The following MAP2 variants were observed in gnomAD, a reference collection of about 807,000 sequenced individuals.
MAP2 encodes the protein microtubule associated protein 2, also known as microtubule-associated protein 2.
Under a neutral mutation model 137.6 loss-of-function variants are expected in MAP2, and 14 were observed. The observed-to-expected ratio is 0.10, with a 90% CI of 0.07 to 0.16. MAP2 has a LOEUF of 0.16. Among genes scored for constraint, MAP2 ranks in the 10% least tolerant of loss-of-function variants. MAP2 has a pLI of 1.00. For missense variants in MAP2, 2,088 were observed against 2,191.5 expected, an observed-to-expected ratio of 0.95 and a Z score of 0.94; for synonymous variants, 786 against 782.3, an observed-to-expected ratio of 1.00 and a Z score of -0.08.
At chr2:209,682,602 T>A (rs2055134197) in intron 7 of MAP2, among the ~76,000 whole-genome samples, 2 of 152,116 alleles carry the variant, frequency 1.3e-5, no homozygotes, top group African/African-American at 2.4e-5. Context: ...TAGGGAGCTT[T>A]AAAATATTAC....
At chr2:209,481,165 G>C (rs1411093326) in intron 1 of MAP2, among the ~76,000 whole-genome samples, 1 of 152,180 alleles carries the variant, frequency 6.6e-6, no homozygotes, top group African/African-American at 2.4e-5. Context: ...AATGTTTCCT[G>C]GGATAAATGT....
intron 2 of MAP2, among the ~76,000 whole-genome samples, chr2:209,510,498 A>G (rs1329541589): frequency 6.6e-6 from 1 of 152,082 alleles, no homozygotes. Context: ...AGAAATAAAT[A>G]TATTTGAGGT....
chr2:209,562,664 C>T (rs114085068), intron 2 of MAP2, among the ~76,000 whole-genome samples: 2,990 of 151,860 alleles, frequency 0.02, 92 homozygotes, highest in African/African-American at 0.068. Context: ...GCCACCACAC[C>T]CCAGCCTGGA....
At chr2:209,689,572 T>G (rs1246389009) in intron 7 of MAP2, among the ~76,000 whole-genome samples, 1 of 152,170 alleles carries the variant, frequency 6.6e-6, no homozygotes, top group East Asian at 1.9e-4. Context: ...GTGCAATAAC[T>G]CATGAACTTG....
chr2:209,510,639 A>T (rs532408988), intron 2 of MAP2, among the ~76,000 whole-genome samples: 2 of 152,228 alleles, frequency 1.3e-5, no homozygotes, highest in East Asian at 3.9e-4. Flanking sequence ...TCTCAGTTTG[A>T]TAAGCAAATG....
intron 13 of MAP2, 79 bp from the exon 14 acceptor site, chr2:209,725,630 G>A (rs1372661281): frequency 4.9e-6 from 4 of 820,828 alleles, no homozygotes; most frequent in African/African-American, 1.8e-5. Flanking sequence ...CTTTGGGTGT[G>A]TTTCTAGATC....
chr2:209,585,570 A>G (rs761453673), intron 3 of MAP2, among the ~76,000 whole-genome samples: 1 of 152,126 alleles, frequency 6.6e-6, no homozygotes, highest in Non-Finnish European at 1.5e-5. Context: ...AATCATAAGG[A>G]TATAATTTTG....
intron 3 of MAP2, among the ~76,000 whole-genome samples, chr2:209,608,699 A>T (rs1219483910): frequency 2.0e-5 from 3 of 152,132 alleles, no homozygotes; most frequent in Non-Finnish European, 4.4e-5. Context: ...ATCTTAGCCT[A>T]AAACCTCCAA....
chr2:209,589,224 G>A (rs551695462), intron 3 of MAP2, among the ~76,000 whole-genome samples: 6 of 152,210 alleles, frequency 3.9e-5, no homozygotes, highest in South Asian at 2.1e-4. Context: ...TTTCTAAGAC[G>A]TGGTGTTCCA....
At chr2:209,583,183 A>ATCTATCTG (rs925310163) in intron 3 of MAP2, among the ~76,000 whole-genome samples, 23 of 151,408 alleles carry the variant, frequency 1.5e-4, no homozygotes, top group East Asian at 3.9e-4. Context: ...CTATCTATCT[A>ATCTATCTG]TCTGTCTATC....
chr2:209,624,064 A>G (rs1308079524), intron 3 of MAP2, among the ~76,000 whole-genome samples: 1 of 152,182 alleles, frequency 6.6e-6, no homozygotes, highest in Non-Finnish European at 1.5e-5. Flanking sequence ...TCATATCCAT[A>G]TACACATTGG....
intron 4 of MAP2, among the ~76,000 whole-genome samples, chr2:209,636,571 A>G (rs1041198905): frequency 1.3e-5 from 2 of 150,486 alleles, no homozygotes; most frequent in African/African-American, 4.9e-5. Context: ...TATTATATAT[A>G]TATATATACA....
chr2:209,434,833 C>CTCTCTCTATATGT lies in MAP2; in HGVS notation c.-222+10558_-222+10559insCTCTCTATATGTT, dbSNP rs397966694. Among the ~76,000 whole-genome samples, 110 of 93,188 alleles carry CTCTCTCTATATGT rather than the reference C, an allele frequency of 1.2e-3. 5 individuals carry two copies. The highest frequency in any genetic ancestry group is 4.2e-3 in the African/African-American group (107 of 25,242). The allele number at this position is 93,188 out of a possible 152,430, so 61.1% of individuals were successfully genotyped here. ...CCAGATCCTCTCTCTCTCTCTCTCT[C>CTCTCTCTATATGT]TATATATATATATATGTTATATATA... On this transcript the variant is annotated intron_variant, in intron 1 of 15. Coordinates refer to ENST00000682079, the MANE Select transcript of MAP2 (RefSeq NM_001375505.1).
Position 209,730,492 on chromosome 2 carries a change from C to A in MAP2, c.*95C>A. 1 of 826,410 alleles carries A rather than the reference C, an allele frequency of 1.2e-6. No individual in the cohort carries two copies. The highest frequency in any genetic ancestry group is 1.7e-5 in the South Asian group (1 of 57,952). 51.2% of individuals were successfully genotyped at this position (826,410 alleles called of 1,614,324 possible). A position where few individuals can be genotyped will look rare whatever the true frequency, so the allele number is the denominator to read the frequency against. ...GTTGTTATATTCATTCTTTATAAAC[C>A]ATAAAATAAATAATCTCATCCCCAA... is the stretch of plus-strand genomic sequence containing the variant. On this transcript the variant is annotated 3_prime_UTR_variant, in exon 16 of 16. Coordinates refer to ENST00000682079, the MANE Select transcript of MAP2 (RefSeq NM_001375505.1).
At chr2:209,446,539 AT>A (rs1408852504) in intron 1 of MAP2, among the ~76,000 whole-genome samples, 1 of 151,814 alleles carries the variant, frequency 6.6e-6, no homozygotes, top group African/African-American at 2.4e-5. Flanking sequence ...AATGTAGAAA[AT>A]TTTTTATTTA....
chr2:209,679,120 C>A (rs556134296), intron 6 of MAP2, among the ~76,000 whole-genome samples: 8 of 152,124 alleles, frequency 5.3e-5, no homozygotes, highest in African/African-American at 1.7e-4. Flanking sequence ...CTACACAAAA[C>A]CTATAGCCAG....
intron 2 of MAP2, among the ~76,000 whole-genome samples, chr2:209,535,479 CT>C (rs1222790645): frequency 6.6e-6 from 1 of 151,896 alleles, no homozygotes. Flanking sequence ...TCCTTAGCAT[CT>C]TTTCGTCTCT....
At chr2:209,525,073 G>A (rs572604013) in intron 2 of MAP2, among the ~76,000 whole-genome samples, 33 of 152,004 alleles carry the variant, frequency 2.2e-4, no homozygotes, top group Non-Finnish European at 3.7e-4. Flanking sequence ...TTTAATATAC[G>A]TTCTAGCTTT....
intron 5 of MAP2, among the ~76,000 whole-genome samples, chr2:209,666,611 G>A (rs2046408129): frequency 6.6e-6 from 1 of 151,900 alleles, no homozygotes; most frequent in South Asian, 2.1e-4. Flanking sequence ...CAAAAATACT[G>A]CTCAAGGAAT....
Sources: gnomAD v4.1 joint callset for allele counts (sites outside exome capture counted in the v4.1 genomes callset) on GRCh38, gnomAD v4.1.1 for gene constraint, MANE v1.5 for transcripts, NCBI Gene and HGNC (gene_info 2026-07-23, HGNC 2026-07-21) for gene names.